The following ZNF721 variants were observed in gnomAD, a reference collection of about 807,000 sequenced individuals.
The protein encoded by ZNF721 is zinc finger protein 721.
ZNF721 carries 2 observed loss-of-function variants against 2.4 expected under a neutral mutation model. That is an observed-to-expected ratio of 0.82 (90% CI 0.34 to 2.58). The LOEUF (loss-of-function observed/expected upper bound fraction) is 2.58. ZNF721 is among the 30% of genes most tolerant of loss of function. The pLI is 0.11. For missense variants in ZNF721, 1,187 were observed against 1,085.5 expected (o/e 1.09, Z -1.31); for synonymous variants, 398 against 381.8 (o/e 1.04, Z -0.50).
intron 2 of ZNF721, among the ~76,000 whole-genome samples, chr4:452,526 G>A (rs115585441): frequency 6.6e-6 from 1 of 152,292 alleles, no homozygotes; most frequent in African/African-American, 2.4e-5. Flanking sequence ...ACTGGGGACA[G>A]AAAGAGAGCG....
intron 1 of ZNF721, among the ~76,000 whole-genome samples, chr4:493,355 T>C (rs1716073259): frequency 1.3e-5 from 2 of 152,214 alleles, no homozygotes; most frequent in South Asian, 2.1e-4. Context: ...CCCTGTGTAC[T>C]ACACTGCCTA....
intron 2 of ZNF721, among the ~76,000 whole-genome samples, chr4:459,572 G>T (rs1714952114): frequency 6.6e-6 from 1 of 151,882 alleles, no homozygotes; most frequent in Non-Finnish European, 1.5e-5. Context: ...GCTCACACCT[G>T]TAACTCCCAG....
intron 1 of ZNF721, among the ~76,000 whole-genome samples, chr4:494,892 T>TA (rs1350232527): frequency 6.5e-5 from 5 of 76,564 alleles, no homozygotes; most frequent in Admixed American, 1.9e-4. Context: ...ACAGTGCACT[T>TA]ATTTTTTTTT....
Position 440,422 on chromosome 4 carries a change from A to G in ZNF721, c.*1273T>C, listed in dbSNP as rs571985007. On this transcript the variant is annotated 3_prime_UTR_variant, in exon 3 of 3. Transcript: ENST00000511833. ...TTTTACTTTTTTCAAGTGAAAAAAT[A>G]TATTTCGAATATATCTCTTCAAAAA... 75 of 152,334 alleles carry G rather than the reference A, an allele frequency of 4.9e-4. No homozygotes were observed. Among genetic ancestry groups the G allele is most frequent in the Non-Finnish European group, 6.6e-4 (45 of 68,028 alleles). 9.4% of individuals were successfully genotyped at this position (152,334 alleles called of 1,614,324 possible).
At chr4:482,298 G>GCT (rs1715790356) in intron 1 of ZNF721, among the ~76,000 whole-genome samples, 1 of 152,078 alleles carries the variant, frequency 6.6e-6, no homozygotes, top group Admixed American at 6.6e-5. Context: ...TGAGCCACTA[G>GCT]GATTACAGGC....
At chr4:485,556 C>G (rs573835821) in intron 1 of ZNF721, among the ~76,000 whole-genome samples, 18 of 152,148 alleles carry the variant, frequency 1.2e-4, no homozygotes, top group Middle Eastern at 3.2e-3. Context: ...AAACACTTTT[C>G]ACATTAATTT....
In ZNF721 at chr4:443,694, A is replaced by G. The variant is rs1714361024; in HGVS notation, c.773T>C (p.Ile258Thr). ...TTTAGCAAAGCTTGAGGATGAGGAAATGACTTTGCCACATTCCTTACATTT... is the reference window on the plus strand; with the variant it reads ...TTTAGCAAAGCTTGAGGATGAGGAAGTGACTTTGCCACATTCCTTACATTT... ...PYKCKECGKV[I>T]SSSSSFAKHK... The change falls in exon 3 of 3, where the codon ATT becomes ACT. Residue 258 changes from isoleucine to threonine, a missense_variant. Ile to Thr is a moderately conservative substitution (Grantham distance 89). Transcript: ENST00000511833. 4 of 1,614,126 alleles carry G rather than the reference A, an allele frequency of 2.5e-6. No individual in the cohort carries two copies. Among genetic ancestry groups the G allele is most frequent in the East Asian group, 4.5e-5 (2 of 44,880 alleles).
intron 2 of ZNF721, among the ~76,000 whole-genome samples, chr4:454,539 C>T (rs1369318188): frequency 3.3e-5 from 5 of 152,158 alleles, no homozygotes; most frequent in African/African-American, 1.2e-4. Flanking sequence ...ACAATTCTCA[C>T]AATCACTCTC....
chr4:468,262 G>A (rs995939790), intron 2 of ZNF721, among the ~76,000 whole-genome samples: 9 of 145,370 alleles, frequency 6.2e-5, no homozygotes, highest in Non-Finnish European at 1.4e-4. Context: ...GTGAGACTCC[G>A]ACTCAAAAAA....
chr4:467,066 A>C (rs1488355788), intron 2 of ZNF721, among the ~76,000 whole-genome samples: 1 of 152,094 alleles, frequency 6.6e-6, no homozygotes, highest in African/African-American at 2.4e-5. Context: ...AAAATACAAA[A>C]AAAAAATTAG....
intron 2 of ZNF721, among the ~76,000 whole-genome samples, chr4:464,964 A>G (rs1354322527): frequency 1.3e-5 from 2 of 151,944 alleles, no homozygotes; most frequent in African/African-American, 4.8e-5. Flanking sequence ...AGGTGCCTGC[A>G]GTCTCAGCTA....
rs1715966437 is a variant in ZNF721 at position 489,175 on chromosome 4, T to C, written c.-94+9881A>G. Among the ~76,000 whole-genome samples the C allele has an allele frequency of 2.0e-5, 3 of 152,130 alleles. No homozygotes were observed. The South Asian group carries it at 6.2e-4, about 32-fold the overall frequency. ...GCCGTGGGTTTCCCTTGGGCACTCA[T>C]AGGTAATAACCAAGATGGAGTCACT... On this transcript the variant is annotated intron_variant, in intron 1 of 2. Coordinates refer to ENST00000511833, the MANE Select transcript of ZNF721 (RefSeq NM_133474.4).
intron 1 of ZNF721, among the ~76,000 whole-genome samples, chr4:473,538 C>T (rs1302268398): frequency 1.3e-5 from 2 of 152,082 alleles, no homozygotes; most frequent in Non-Finnish European, 2.9e-5. Flanking sequence ...TTTCAAGACC[C>T]GCTGGCAGCC....
At position 444,354 on chromosome 4, in the gene ZNF721, C is replaced by T; in HGVS notation, c.113G>A (p.Arg38Lys). 1 of 1,613,930 alleles carries T rather than the reference C, an allele frequency of 6.2e-7. No individual in the cohort carries two copies. Among genetic ancestry groups the T allele is most frequent in the Non-Finnish European group, 8.5e-7 (1 of 1,179,916 alleles). The change falls in exon 3 of 3, where the codon AGA becomes AAA. Residue 38 changes from arginine to lysine, a missense_variant. Transcript: ENST00000511833. ...EDSFHKLILR[R>K]YEKCGHDNLQ... Reference sequence around the variant, plus strand: ...ATTATCATGCCCACATTTCTCATATCTTCTCAGTATAAGTTTGTGGAATGA... The same window carrying T: ...ATTATCATGCCCACATTTCTCATATTTTCTCAGTATAAGTTTGTGGAATGA...
chr4:447,876 C>CT, intron 2 of ZNF721, among the ~76,000 whole-genome samples: 1 of 152,300 alleles, frequency 6.6e-6, no homozygotes, highest in South Asian at 2.1e-4. Flanking sequence ...GTTAATGTGT[C>CT]TGTTTGTGTG....
chr4:441,841 G>C lies in ZNF721; in HGVS notation c.2626C>G (p.Gln876Glu). The part of the protein sequence containing the change: ...TCGECGKTFR[Q>E]SANLYAHKKI... ...TTATGCGCATAAAGATTTGCAGACT[G>C]TCTAAAGGTTTTGCCACATTCTCCA... The change falls in exon 3 of 3, where the codon CAG becomes GAG. Residue 876 changes from glutamine to glutamate, a missense_variant. Gln to Glu is a conservative substitution (Grantham distance 29, BLOSUM62 2). Transcript: ENST00000511833. The C allele has an allele frequency of 6.2e-7, 1 of 1,613,970 alleles. No individual in the cohort carries two copies. Among genetic ancestry groups the C allele is most frequent in the East Asian group, 2.2e-5 (1 of 44,860 alleles).
chr4:463,729 G>A (rs1478364546), intron 2 of ZNF721, among the ~76,000 whole-genome samples: 2 of 152,078 alleles, frequency 1.3e-5, no homozygotes, highest in African/African-American at 4.8e-5. Flanking sequence ...ACACACCAAG[G>A]GAAACATCAC....
rs782324206 is a variant in ZNF721, at chr4:441,646, CTTATGT to C, written c.*43_*48del. ...AAGACATTCCCCTGGTATGAGTTCT[CTTATGT>C]TTAAGAATGCTGTAGTATGACTTAA... On this transcript the variant is annotated 3_prime_UTR_variant, in exon 3 of 3. Transcript: ENST00000511833. 8.1e-6 allele frequency: 12 copies of C among 1,473,912 alleles called. No individual in the cohort carries two copies. The highest frequency in any genetic ancestry group is 5.3e-5 in the South Asian group (4 of 75,378). The allele number at this position is 1,473,912 out of a possible 1,614,324, so 91.3% of individuals were successfully genotyped here.
At chr4:444,475 C>T (rs1714405174) in intron 2 of ZNF721, 43 bp from the exon 3 acceptor site, 1 of 1,499,188 alleles carries the variant, frequency 6.7e-7, no homozygotes, top group Non-Finnish European at 9.0e-7. Flanking sequence ...TTACTAGATT[C>T]ATATGCATAT....
Sources: gnomAD v4.1 joint callset for allele counts (sites outside exome capture counted in the v4.1 genomes callset) on GRCh38, gnomAD v4.1.1 for gene constraint, MANE v1.5 for transcripts, NCBI Gene and HGNC (gene_info 2026-07-23, HGNC 2026-07-21) for gene names.